FGD5: variants seen among roughly 807,000 people sequenced by gnomAD.
FGD5 encodes the protein FYVE, RhoGEF and PH domain-containing protein 5.
A neutral mutation model predicts 133.4 loss-of-function variants in FGD5; 28 were observed. That is an observed-to-expected ratio of 0.21 (90% CI 0.16 to 0.29). The LOEUF (loss-of-function observed/expected upper bound fraction) is 0.29. FGD5 is among the 10% of genes least tolerant of loss of function. The pLI, the probability that FGD5 is intolerant of heterozygous loss-of-function variation, is 1.00. For missense variants in FGD5, 1,858 were observed against 1,895.2 expected (o/e 0.98, Z 0.36); for synonymous variants, 810 against 776.5 (o/e 1.04, Z -0.72).
Position 14,898,046 on chromosome 3 carries a change from A to G in FGD5, c.3017A>G (p.Glu1006Gly), listed in dbSNP as rs556294322. The change falls in exon 6 of 20, where the codon GAG becomes GGG. Residue 1006 changes from glutamate (E) to glycine (G), a missense_variant. By Grantham distance (98) the Glu-to-Gly change is moderately conservative. Around this residue, in one of 3 missense-constraint regions of FGD5, gnomAD observed 1,824 missense variants for 1,848.9 expected, o/e 0.99. Transcript: ENST00000285046. ...QFDRYLGLLS[E>G]NCLHSPRLAA... is the part of the protein sequence containing the mutation. ...GACAGGTACCTAGGTCTGCTCAGTGAGAATTGCCTCCACTCTCCCCGGCTG... is the reference window on the plus strand; with the variant it reads ...GACAGGTACCTAGGTCTGCTCAGTGGGAATTGCCTCCACTCTCCCCGGCTG... 3 of 1,613,960 alleles carry G rather than the reference A, an allele frequency of 1.9e-6. No individual in the cohort carries two copies. The highest frequency in any genetic ancestry group is 1.7e-5 in the Admixed American group (1 of 60,014).
rs763308918 is a variant in FGD5 at position 14,932,743 on chromosome 3, A to G, written c.4352+12A>G. 3 of 1,609,736 alleles carry G rather than the reference A, an allele frequency of 1.9e-6. No homozygotes were observed. Among genetic ancestry groups the G allele is most frequent in the South Asian group, 2.2e-5 (2 of 90,254 alleles). On this transcript the variant is annotated intron_variant, in intron 19 of 19. Coordinates refer to ENST00000285046, the MANE Select transcript of FGD5 (RefSeq NM_152536.4). ...AATTCAGCTCAGAGGTACGAAAAGA[A>G]CTAATTAGTCTTATAGCTTTTTGTT... is the stretch of plus-strand genomic sequence containing the variant.
intron 1 of FGD5, among the ~76,000 whole-genome samples, chr3:14,843,815 T>C (rs746354736): frequency 6.0e-5 from 9 of 150,354 alleles, no homozygotes; most frequent in Non-Finnish European, 8.9e-5. Context: ...CTCAACCTCC[T>C]GAGTAGCTGG....
chr3:14,825,829 C>T (rs190794057), intron 1 of FGD5, among the ~76,000 whole-genome samples: 93 of 152,212 alleles, frequency 6.1e-4, no homozygotes, highest in African/African-American at 2.1e-3. Flanking sequence ...TCTTCACCTC[C>T]GAATATCCTA....
chr3:14,818,231 T>C (rs369215029), upstream of FGD5, among the ~76,000 whole-genome samples: 663 of 152,310 alleles, frequency 4.4e-3, 3 homozygotes, highest in Non-Finnish European at 7.7e-3. Context: ...ATTTCTCCCA[T>C]GAAATTTGCA....
At chr3:14,894,612 C>T (rs1217357153) in intron 4 of FGD5, among the ~76,000 whole-genome samples, 1 of 149,894 alleles carries the variant, frequency 6.7e-6, no homozygotes, top group Non-Finnish European at 1.5e-5. Context: ...ACCTCCTGGG[C>T]TCAAGCGATC....
rs1244757550 is a variant in FGD5 at position 14,933,549 on chromosome 3, C to T, written c.*382C>T. On this transcript the variant is annotated 3_prime_UTR_variant, in exon 20 of 20. Transcript: ENST00000285046. Reference sequence around the variant, plus strand: ...CTTACAGTTTTTACTCATGATAAATCTTATCACCTTTCAAAAATTGATTGT... The same window carrying T: ...CTTACAGTTTTTACTCATGATAAATTTTATCACCTTTCAAAAATTGATTGT... The T allele has an allele frequency of 1.5e-5, 3 of 205,640 alleles. No homozygotes were observed. The highest frequency in any genetic ancestry group is 7.0e-5 in the African/African-American group (3 of 43,028). The allele number at this position is 205,640 out of a possible 1,614,324, so 12.7% of individuals were successfully genotyped here.
intron 1 of FGD5, among the ~76,000 whole-genome samples, chr3:14,855,590 G>A (rs1575210856): frequency 6.6e-6 from 1 of 151,620 alleles, no homozygotes; most frequent in Non-Finnish European, 1.5e-5. Flanking sequence ...GTTTTGATTG[G>A]CATTTCCCTA....
chr3:14,868,333 A>C (rs11710547), intron 2 of FGD5, among the ~76,000 whole-genome samples: 14,158 of 151,790 alleles, frequency 0.093, 825 homozygotes, highest in East Asian at 0.3. Context: ...TTTCTGGAAC[A>C]GACCCTTCCT....
At chr3:14,908,422 G>C (rs2038379759) in intron 10 of FGD5, among the ~76,000 whole-genome samples, 1 of 151,942 alleles carries the variant, frequency 6.6e-6, no homozygotes, top group African/African-American at 2.4e-5. Flanking sequence ...ACTCCTCGTG[G>C]GTACAAACCA....
At position 14,924,082 on chromosome 3, in the gene FGD5, A is replaced by C. The variant is rs1275319818; in HGVS notation, c.4012A>C (p.Ser1338Arg). 2 of 1,613,832 alleles carry C rather than the reference A, an allele frequency of 1.2e-6. No homozygotes were observed. The highest frequency in any genetic ancestry group is 1.7e-6 in the Non-Finnish European group (2 of 1,179,890). ...CAGTGCCTTTTCATCCGTCTTCCAG[A>C]GCATTAACCCCTCGACCTTCAAGAA... ...SGSAFSSVFQ[S>R]INPSTFKKQK... is the part of the protein sequence containing the mutation. The change falls in exon 17 of 20, where the codon AGC (serine) becomes CGC (arginine). Residue 1338 changes from serine to arginine, a missense_variant. Physicochemically the swap from Ser to Arg is moderately radical, Grantham distance 110 (BLOSUM62 -1). Transcript: ENST00000285046.
At chr3:14,849,998 A>G (rs1174404408) in intron 1 of FGD5, among the ~76,000 whole-genome samples, 1 of 152,180 alleles carries the variant, frequency 6.6e-6, no homozygotes, top group East Asian at 1.9e-4. Flanking sequence ...TGCCCCTCTC[A>G]TAGCTCCTGG....
At chr3:14,858,552 C>T (rs1222403697) in intron 1 of FGD5, among the ~76,000 whole-genome samples, 1 of 152,168 alleles carries the variant, frequency 6.6e-6, no homozygotes, top group African/African-American at 2.4e-5. Context: ...ACTAGAGAGA[C>T]TATAGACACT....
At chr3:14,810,915 C>T (rs949910816) in intron 1 of FGD5, 1 of 985,000 alleles carries the variant, frequency 1.0e-6, no homozygotes, top group Non-Finnish European at 1.2e-6. Context: ...CGAGGGACCC[C>T]GGCCGGGCGC....
At chr3:14,926,453 G>A (rs181324663) in intron 18 of FGD5, among the ~76,000 whole-genome samples, 9 of 152,336 alleles carry the variant, frequency 5.9e-5, no homozygotes, top group Non-Finnish European at 1.0e-4. Flanking sequence ...AAGCTGTGCC[G>A]CAAAGTGTTT....
At chr3:14,870,988 C>T (rs550978549) in intron 2 of FGD5, among the ~76,000 whole-genome samples, 59 of 152,192 alleles carry the variant, frequency 3.9e-4, no homozygotes, top group Non-Finnish European at 6.5e-4. Context: ...AGATACAAAA[C>T]GAGTTCTGTC....
In FGD5 at chr3:14,922,589, G is replaced by T; in HGVS notation, c.3807+41G>T. On this transcript the variant is annotated intron_variant, in intron 15 of 19. Coordinates refer to ENST00000285046, the MANE Select transcript of FGD5 (RefSeq NM_152536.4). This position sits in a 1 kb window ranked among gnomAD's most constrained non-coding sequence, Gnocchi z 4.1. ...TGGGGTGAGTGTGTGCATGGGGGTG[G>T]GGTGGGGGAAGGGCATGTCCCTGCC... 1 of 1,550,172 alleles carries T rather than the reference G, an allele frequency of 6.5e-7. No individual in the cohort carries two copies. The highest frequency in any genetic ancestry group is 1.2e-5 in the South Asian group (1 of 84,496).
Position 14,922,292 on chromosome 3 carries a change from C to A in FGD5, c.3670-119C>A. 1 of 1,410,440 alleles carries A rather than the reference C, an allele frequency of 7.1e-7. No individual in the cohort carries two copies. The highest frequency in any genetic ancestry group is 9.6e-7 in the Non-Finnish European group (1 of 1,038,760). The allele number at this position is 1,410,440 out of a possible 1,614,324, so 87.4% of individuals were successfully genotyped here. A position where few individuals can be genotyped will look rare whatever the true frequency, so the allele number is the denominator to read the frequency against. On this transcript the variant is annotated intron_variant, in intron 14 of 19. Coordinates refer to ENST00000285046, the MANE Select transcript of FGD5 (RefSeq NM_152536.4). The surrounding 1 kb of genome is among the most constrained non-coding windows in gnomAD (Gnocchi z 4.1). ...TGCAGGAGAGGCCTTTCACATCAGA[C>A]CCACTCACCCACACATCACACACCC...
chr3:14,831,561 C>T (rs969658403), intron 1 of FGD5, among the ~76,000 whole-genome samples: 1 of 152,096 alleles, frequency 6.6e-6, no homozygotes, highest in Non-Finnish European at 1.5e-5. Flanking sequence ...GTGCTCTTCC[C>T]AGAAGACCAT....
At chr3:14,849,086 C>T (rs1208843034) in intron 1 of FGD5, among the ~76,000 whole-genome samples, 1 of 152,204 alleles carries the variant, frequency 6.6e-6, no homozygotes, top group East Asian at 1.9e-4. Context: ...CATGTGTGCA[C>T]TATCACGTGT....
Sources: gnomAD v4.1 joint callset for allele counts (sites outside exome capture counted in the v4.1 genomes callset) on GRCh38, gnomAD v4.1.1 for gene constraint, gnomAD v4.1.1 regional missense constraint, Gnocchi (gnomAD v3.1) non-coding constraint, MANE v1.5 for transcripts, NCBI Gene and HGNC (gene_info 2026-07-23, HGNC 2026-07-21) for gene names.